Variants in KRT27 observed in about 807,000 individuals in gnomAD.
The protein encoded by KRT27 is keratin 27.
In KRT27, 30 loss-of-function variants were observed where a neutral mutation model predicts 45.3. That is an observed-to-expected ratio of 0.66 (90% CI 0.50 to 0.90). KRT27 has a LOEUF of 0.90. Among genes scored for constraint, KRT27 ranks in the 40% least tolerant of loss-of-function variants. KRT27 has a pLI of 0.00. For missense variants in KRT27, 610 were observed against 564.3 expected (o/e 1.08, Z -0.82); for synonymous variants, 204 against 223.9 (o/e 0.91, Z 0.79).
At chr17:40,779,408 A>C in intron 5 of KRT27, 94 bp downstream of exon 5, 1 of 1,470,124 alleles carries the variant, frequency 6.8e-7, no homozygotes, top group Non-Finnish European at 9.1e-7. Flanking sequence ...TAATGGTTAA[A>C]AACTAAAATA....
chr17:40,780,718 G>A (rs142007639), intron 2 of KRT27, among the ~76,000 whole-genome samples: 183 of 152,250 alleles, frequency 1.2e-3, no homozygotes, highest in African/African-American at 4.1e-3. Flanking sequence ...GCGCAGTGGT[G>A]GGCGCCTGTA....
At position 40,779,808 on chromosome 17, in the gene KRT27, G is replaced by C; in HGVS notation, c.738C>G (p.Asn246Lys). ...CCGTGAGGTCTACCCCGGGGGCCGCGTTCATCTCCACGTTCACGTTGCCTC... is the reference window on the plus strand; with the variant it reads ...CCGTGAGGTCTACCCCGGGGGCCGCCTTCATCTCCACGTTCACGTTGCCTC... ...AAGGNVNVEM[N>K]AAPGVDLTVL... The change falls in exon 4 of 8, where the codon AAC becomes AAG. Residue 246 changes from asparagine (N) to lysine (K), a missense_variant. Transcript: ENST00000301656. The C allele has an allele frequency of 1.9e-6, 3 of 1,614,214 alleles. No individual in the cohort carries two copies. The highest frequency in any genetic ancestry group is 2.5e-6 in the Non-Finnish European group (3 of 1,180,016).
rs374850991 is a variant in KRT27, at chr17:40,777,471, T to C, written c.1190+44A>G. On this transcript the variant is annotated intron_variant, in intron 6 of 7. Coordinates refer to ENST00000301656, the MANE Select transcript of KRT27 (RefSeq NM_181537.4). ...GTACTTGATTTCAAATCATCTTTAG[T>C]AACCTTAAAAATGAATTGTTTTCTC... 67 of 1,598,490 alleles carry C rather than the reference T, an allele frequency of 4.2e-5. No individual in the cohort carries two copies. In the African/African-American group the frequency reaches 8.9e-4, roughly 21 times the overall value.
At chr17:40,780,646 G>A (rs2038303810) in intron 2 of KRT27, among the ~76,000 whole-genome samples, 190 bp from the exon 3 acceptor site, 1 of 151,628 alleles carries the variant, frequency 6.6e-6, no homozygotes, top group African/African-American at 2.4e-5. Flanking sequence ...GGATCACGAG[G>A]TCAGGAGATC....
In KRT27 at chr17:40,782,401, C is replaced by A. The variant is rs1248935761; in HGVS notation, c.93G>T (p.Gly31=). ...CTGGCACACCGCATGTGTTTCCAGC[C>A]CCAAAGCCTGCTCCCCCACTAGAGA... The part of the protein sequence containing the change: ...VRLSSGGAGF[G]AGNTCGVPGI... Residue 31 remains glycine (G), a synonymous_variant, in exon 1 of 8, where the codon GGG becomes GGT. Coordinates refer to ENST00000301656, the MANE Select transcript of KRT27 (RefSeq NM_181537.4). The A allele has an allele frequency of 6.2e-7, 1 of 1,613,710 alleles. No homozygotes were observed. The highest frequency in any genetic ancestry group is 1.3e-5 in the African/African-American group (1 of 74,882).
chr17:40,779,470 A>G (rs775312685), intron 5 of KRT27, 32 bp downstream of exon 5: 1 of 1,569,518 alleles, frequency 6.4e-7, no homozygotes, highest in Non-Finnish European at 8.6e-7. Context: ...CTCAATTTCT[A>G]AAGCAAATCT....
In KRT27 at chr17:40,782,069, A is replaced by G. The variant is rs2038316982; in HGVS notation, c.425T>C (p.Ile142Thr). 5 of 1,612,074 alleles carry G rather than the reference A, an allele frequency of 3.1e-6. No individual in the cohort carries two copies. Among genetic ancestry groups the G allele is most frequent in the Non-Finnish European group, 4.2e-6 (5 of 1,179,934 alleles). Residue 142 changes from isoleucine (I) to threonine (T), a missense_variant, in exon 1 of 8, where the codon ATT becomes ACT. Coordinates refer to ENST00000301656, the MANE Select transcript of KRT27 (RefSeq NM_181537.4). ...TCTTACCTGGTTCTTAAGTTCGTCA[A>G]TAATTGGGAAATATCTGCTGTAATC... is the stretch of plus-strand genomic sequence containing the variant. ...DHDYSRYFPI[I>T]DELKNQIISA...
intron 1 of KRT27, 117 bp downstream of exon 1, chr17:40,781,933 C>T: frequency 1.2e-6 from 1 of 815,744 alleles, no homozygotes; most frequent in Non-Finnish European, 1.9e-6. Flanking sequence ...AAATGAACTC[C>T]TAAAATTTAG....
In KRT27 at chr17:40,780,364, T is replaced by C. The variant is rs773011991; in HGVS notation, c.620A>G (p.Asp207Gly). 5 of 1,613,080 alleles carry C rather than the reference T, an allele frequency of 3.1e-6. No individual in the cohort carries two copies. The highest frequency in any genetic ancestry group is 1.1e-5 in the South Asian group (1 of 90,772). The part of the protein sequence containing the change: ...VLDELTLCRT[D>G]LEIQLETLSE... ...GAGAGTTTCCAGCTGGATCTCCAGG[T>C]CCGTTCTGCACAAGGTCAGCTCATC... The change falls in exon 3 of 8, where the codon GAC becomes GGC. Residue 207 changes from aspartate to glycine, a missense_variant. Coordinates refer to ENST00000301656, the MANE Select transcript of KRT27 (RefSeq NM_181537.4).
chr17:40,782,168 T>G lies in KRT27; in HGVS notation c.326A>C (p.Asn109Thr), dbSNP rs754834491. The G allele has an allele frequency of 2.5e-6, 4 of 1,614,204 alleles. No individual in the cohort carries two copies. Among genetic ancestry groups the G allele is most frequent in the Admixed American group, 1.7e-5 (1 of 60,024 alleles). ...CTTGATCTTCTGCTCCAAGTCAGCGTTGGCCTCCTCTAGGGCTCGAACATT... is the reference window on the plus strand; with the variant it reads ...CTTGATCTTCTGCTCCAAGTCAGCGGTGGCCTCCTCTAGGGCTCGAACATT... The part of the protein sequence containing the change: ...LENVRALEEA[N>T]ADLEQKIKGW... The change falls in exon 1 of 8, where the codon AAC becomes ACC. Residue 109 changes from asparagine to threonine, a missense_variant. By Grantham distance (65) the Asn-to-Thr change is moderately conservative (BLOSUM62 0). Coordinates refer to ENST00000301656, the MANE Select transcript of KRT27 (RefSeq NM_181537.4).
In KRT27 at chr17:40,780,327, G is replaced by A. The variant is rs1016121943; in HGVS notation, c.657C>T (p.Leu219=). ...CCTCATGATTCTTCTTGAGGTAAGC[G>A]AGCTCCTCACTGAGAGTTTCCAGCT... is the stretch of plus-strand genomic sequence containing the variant. ...EIQLETLSEE[L]AYLKKNHEEE... The change falls in exon 3 of 8, where the codon CTC becomes CTT. Residue 219 remains leucine, a synonymous_variant. Transcript: ENST00000301656. 6.2e-7 allele frequency: 1 copy of A among 1,612,224 alleles called. No individual in the cohort carries two copies. Among genetic ancestry groups the A allele is most frequent in the Non-Finnish European group, 8.5e-7 (1 of 1,179,226 alleles).
At chr17:40,778,061 A>G in intron 5 of KRT27, 1 of 254,052 alleles carries the variant, frequency 3.9e-6, no homozygotes, top group South Asian at 7.0e-5. Flanking sequence ...ACAATTTGCT[A>G]CTTTACCCAC....
chr17:40,779,995 G>T lies in KRT27; in HGVS notation c.685-134C>A. The T allele has an allele frequency of 7.3e-6, 8 of 1,088,556 alleles. No individual in the cohort carries two copies. In the South Asian group the frequency reaches 1.4e-4, roughly 19 times the overall value. The allele number at this position is 1,088,556 out of a possible 1,614,324, so 67.4% of individuals were successfully genotyped here. A position where few individuals can be genotyped will look rare whatever the true frequency, so the allele number is the denominator to read the frequency against. ...TGACTCACTGCAGCCTCGAAATCCT[G>T]GCCTCAAGCGATCCTCCATTCTGGG... On this transcript the variant is annotated intron_variant, in intron 3 of 7. Coordinates refer to ENST00000301656, the MANE Select transcript of KRT27 (RefSeq NM_181537.4).
chr17:40,782,402 C>T lies in KRT27; in HGVS notation c.92G>A (p.Gly31Glu). The T allele has an allele frequency of 1.2e-6, 2 of 1,613,780 alleles. No individual in the cohort carries two copies. The highest frequency in any genetic ancestry group is 8.5e-7 in the Non-Finnish European group (1 of 1,179,846). Residue 31 changes from glycine (G) to glutamate (E), a missense_variant, in exon 1 of 8, where the codon GGG becomes GAG. Physicochemically the swap from Gly to Glu is moderately conservative, Grantham distance 98 (BLOSUM62 -2). Transcript: ENST00000301656. Reference protein sequence around the residue: ...VRLSSGGAGFGAGNTCGVPGI... With the variant: ...VRLSSGGAGFEAGNTCGVPGI... ...TGGCACACCGCATGTGTTTCCAGCC[C>T]CAAAGCCTGCTCCCCCACTAGAGAG...
chr17:40,781,230 T>C lies in KRT27; in HGVS notation c.485A>G (p.Gln162Arg). The C allele has an allele frequency of 6.2e-7, 1 of 1,612,086 alleles. No homozygotes were observed. Among genetic ancestry groups the C allele is most frequent in the Non-Finnish European group, 8.5e-7 (1 of 1,178,810 alleles). Reference sequence around the variant, plus strand: ...AGCTGTTAGTCTTGCATTATCATTTTGCAGGACAACATGGGCATTACTGGT... The same window carrying C: ...AGCTGTTAGTCTTGCATTATCATTTCGCAGGACAACATGGGCATTACTGGT... ...ATTSNAHVVL[Q>R]NDNARLTADD... The change falls in exon 2 of 8, where the codon CAA becomes CGA. Residue 162 changes from glutamine (Q) to arginine (R), a missense_variant. Physicochemically the swap from Gln to Arg is conservative, Grantham distance 43. Transcript: ENST00000301656.
intron 1 of KRT27, among the ~76,000 whole-genome samples, chr17:40,781,790 C>T (rs1007680981): frequency 2.0e-5 from 3 of 152,136 alleles, no homozygotes; most frequent in African/African-American, 7.2e-5. Context: ...ATGGGAAAGC[C>T]TATAAATATA....
intron 1 of KRT27, among the ~76,000 whole-genome samples, chr17:40,781,551 T>C (rs953878235): frequency 6.6e-6 from 1 of 152,232 alleles, no homozygotes; most frequent in African/African-American, 2.4e-5. Context: ...TGCCTCAGCC[T>C]CCCAAGTAGC....
chr17:40,777,423 G>A (rs911624974), intron 6 of KRT27, 92 bp downstream of exon 6: 20 of 1,511,874 alleles, frequency 1.3e-5, no homozygotes, highest in African/African-American at 2.8e-5. Flanking sequence ...TTATCTATGC[G>A]TGATCTAGAT....
Position 40,779,640 on chromosome 17 carries a change from G to T in KRT27, c.847-13C>A, listed in dbSNP as rs768949396. On this transcript the variant is annotated splice_polypyrimidine_tract_variant and intron_variant, in intron 4 of 7. Coordinates refer to ENST00000301656, the MANE Select transcript of KRT27 (RefSeq NM_181537.4). ...GCAGCGAGGCGCTCTGGAACGGCAG[G>T]GGCCGCGTTAGGGCGCTGGGGCTGA... is the stretch of plus-strand genomic sequence containing the variant. 1 of 1,613,998 alleles carries T rather than the reference G, an allele frequency of 6.2e-7. No individual in the cohort carries two copies. The highest frequency in any genetic ancestry group is 1.1e-5 in the South Asian group (1 of 91,076).
Sources: gnomAD v4.1 joint callset for allele counts (sites outside exome capture counted in the v4.1 genomes callset) on GRCh38, gnomAD v4.1.1 for gene constraint, MANE v1.5 for transcripts, NCBI Gene and HGNC (gene_info 2026-07-23, HGNC 2026-07-21) for gene names.